ZNF799: variants seen among roughly 807,000 people sequenced by gnomAD.
ZNF799 encodes zinc finger protein 14.
A neutral mutation model predicts 41.0 loss-of-function variants in ZNF799; 28 were observed. The observed-to-expected ratio is 0.68, with a 90% confidence interval of 0.51 to 0.94. ZNF799 has a LOEUF of 0.94. Among genes scored for constraint, ZNF799 ranks in the 40% least tolerant of loss-of-function variants. The pLI is 0.00. For missense variants in ZNF799, 716 were observed against 764.3 expected, an observed-to-expected ratio of 0.94 and a Z score of 0.74; for synonymous variants, 213 against 252.9, an observed-to-expected ratio of 0.84 and a Z score of 1.50.
At chr19:12,408,214 T>C in the ZNF799 span, among the ~76,000 whole-genome samples, 1 of 152,090 alleles carries the variant, frequency 6.6e-6, no homozygotes, top group Admixed American at 6.6e-5. Flanking sequence ...TAGTATAGTA[T>C]AATAAGTCTA....
chr19:12,395,533 G>A (rs1969882196), intron 1 of ZNF799, among the ~76,000 whole-genome samples: 1 of 152,148 alleles, frequency 6.6e-6, no homozygotes, highest in African/African-American at 2.4e-5. Context: ...TACACAAAAA[G>A]CCTGTAGCCA....
At chr19:12,411,715 C>T in the ZNF799 span, among the ~76,000 whole-genome samples, 1 of 152,042 alleles carries the variant, frequency 6.6e-6, no homozygotes, top group Non-Finnish European at 1.5e-5. Context: ...CAGGTTCAAG[C>T]AATTTTCCTG....
At chr19:12,413,900 C>A in the ZNF799 span, among the ~76,000 whole-genome samples, 2 of 152,152 alleles carry the variant, frequency 1.3e-5, no homozygotes, top group African/African-American at 4.8e-5. Context: ...CAGCTGGTAA[C>A]AGCTGGTTCC....
the ZNF799 span, among the ~76,000 whole-genome samples, chr19:12,411,751 T>C: frequency 7.9e-5 from 12 of 152,082 alleles, no homozygotes; most frequent in African/African-American, 2.4e-4. Context: ...CAGCTGGGAC[T>C]ACAGATGCGC....
At chr19:12,400,757 T>A in intron 1 of ZNF799, 1 of 557,894 alleles carries the variant, frequency 1.8e-6, no homozygotes, top group South Asian at 2.1e-5. Flanking sequence ...AGCGTCTCGG[T>A]GCAGTGAGTC....
chr19:12,401,864 G>A (rs1355316494), upstream of ZNF799, among the ~76,000 whole-genome samples: 1 of 152,010 alleles, frequency 6.6e-6, no homozygotes, highest in Admixed American at 6.5e-5. Context: ...GTGAGCCATC[G>A]CGCCTGGCTC....
At chr19:12,394,553 C>G (rs1165881087) in intron 1 of ZNF799, 4 of 983,732 alleles carry the variant, frequency 4.1e-6, no homozygotes, top group Non-Finnish European at 4.8e-6. Context: ...AAGCTGGCAA[C>G]TAGTTTCCTT....
chr19:12,398,325 T>C (rs1459158497), intron 1 of ZNF799: 8 of 151,936 alleles, frequency 5.3e-5, no homozygotes, highest in South Asian at 4.2e-4. Context: ...CAGGCCTCTC[T>C]GCCATAGTCA....
chr19:12,405,029 TGAAAAG>T (rs1334488194), upstream of ZNF799, among the ~76,000 whole-genome samples: 2 of 152,146 alleles, frequency 1.3e-5, no homozygotes, highest in East Asian at 3.9e-4. Context: ...CAGAAAAACA[TGAAAAG>T]GAGAGACTGG....
At chr19:12,404,382 G>C (rs923530322), upstream of ZNF799, among the ~76,000 whole-genome samples, 1 of 152,094 alleles carries the variant, frequency 6.6e-6, no homozygotes, top group Non-Finnish European at 1.5e-5. Flanking sequence ...TGCTGAAAAC[G>C]GGGTGTTAAA....
the ZNF799 span, among the ~76,000 whole-genome samples, chr19:12,407,645 G>A: frequency 2.6e-5 from 4 of 152,166 alleles, no homozygotes; most frequent in Admixed American, 2.6e-4. Flanking sequence ...TGATGTAATA[G>A]ATGTTTGTTC....
chr19:12,406,732 C>G, the ZNF799 span, among the ~76,000 whole-genome samples: 3 of 151,416 alleles, frequency 2.0e-5, no homozygotes, highest in Non-Finnish European at 4.4e-5. Flanking sequence ...AACCCCGTCT[C>G]TACTAAAAAT....
Position 12,401,226 on chromosome 19 carries a change from G to A in ZNF799, c.-156C>T. On this transcript the variant is annotated 5_prime_UTR_variant, in exon 1 of 4. Transcript: ENST00000430385. ...CGCAGGTGGGTGGAGAAGACGCCGC[G>A]GGCTTTTTCAACCACACACTCCTCT... is the stretch of plus-strand genomic sequence containing the variant. 9.4e-6 allele frequency: 14 copies of A among 1,483,118 alleles called. No individual in the cohort carries two copies. The highest frequency in any genetic ancestry group is 1.3e-5 in the Non-Finnish European group (14 of 1,112,554). 91.9% of individuals were successfully genotyped at this position (1,483,118 alleles called of 1,614,324 possible).
At chr19:12,400,288 A>G in intron 1 of ZNF799, 1 of 152,114 alleles carries the variant, frequency 6.6e-6, no homozygotes, top group Non-Finnish European at 1.5e-5. Context: ...TCTGGATTCC[A>G]CCTGGTGACT....
chr19:12,390,980 T>G lies in ZNF799; in HGVS notation c.1418A>C (p.Glu473Ala), dbSNP rs567174143. ...ACATTCCTTACACTCATATGGCTTCTCTCCAGCATGAGTTGTTTTGTGATT... is the reference window on the plus strand; with the variant it reads ...ACATTCCTTACACTCATATGGCTTCGCTCCAGCATGAGTTGTTTTGTGATT... The part of the protein sequence containing the change: ...FQNHKTTHAG[E>A]KPYECKECGK... Residue 473 changes from glutamate (E) to alanine (A), a missense_variant, in exon 4 of 4, where the codon GAG becomes GCG. This residue lies in a region of ZNF799 where 698 missense variants were observed against 713.6 expected (regional missense o/e 0.98). Coordinates refer to ENST00000430385, the MANE Select transcript of ZNF799 (RefSeq NM_001080821.3). 6.2e-7 allele frequency: 1 copy of G among 1,614,172 alleles called. No individual in the cohort carries two copies. The highest frequency in any genetic ancestry group is 1.7e-5 in the Admixed American group (1 of 60,032).
chr19:12,407,398 G>GGCTGCAGTTAGCTATATTCCTGTC, the ZNF799 span, among the ~76,000 whole-genome samples: 2 of 151,528 alleles, frequency 1.3e-5, no homozygotes, highest in Non-Finnish European at 2.9e-5. Context: ...AGGAGATGGA[G>GGCTGCAGTTAGCTATATTCCTGTC]GCTGCAGTTA....
At chr19:12,411,231 TTTG>T in the ZNF799 span, among the ~76,000 whole-genome samples, 3 of 152,182 alleles carry the variant, frequency 2.0e-5, no homozygotes, top group South Asian at 2.1e-4. Flanking sequence ...TTGAGAAATG[TTTG>T]TTGTTTATGG....
At chr19:12,400,933 C>T in intron 1 of ZNF799, 135 bp downstream of exon 1, 2 of 1,535,092 alleles carry the variant, frequency 1.3e-6, no homozygotes, top group South Asian at 2.2e-5. Context: ...GGCCGAGGGC[C>T]GACCTACGCC....
At position 12,390,842 on chromosome 19, in the gene ZNF799, A is replaced by C. The variant is rs1303418307; in HGVS notation, c.1556T>G (p.Leu519Ter). 6.2e-7 allele frequency: 1 copy of C among 1,613,976 alleles called. No individual in the cohort carries two copies. Among genetic ancestry groups the C allele is most frequent in the Non-Finnish European group, 8.5e-7 (1 of 1,180,012 alleles). Residue 519 changes from leucine (L) to a stop codon, truncating the protein, a stop_gained, in exon 4 of 4, where the codon TTA becomes TGA. Transcript: ENST00000430385. LOFTEE classifies it high-confidence loss of function. ...AGAGTGAATTCTTTCATGTACTTTT[A>C]AGTTACCAAAATGACTGAAGGCTTT... ...CKKAFSHFGN[L>*]KVHERIHSGE...
Sources: allele counts gnomAD v4.1 joint callset (sites outside exome capture counted in the v4.1 genomes callset), GRCh38; gene constraint gnomAD v4.1.1; regional missense constraint gnomAD v4.1.1; transcripts MANE v1.5; gene names NCBI Gene and HGNC (gene_info 2026-07-23, HGNC 2026-07-21).